Variants in CDK11A observed in about 807,000 individuals in gnomAD.
CDK11A encodes cyclin dependent kinase 11A.
CDK11A carries 55 observed loss-of-function variants against 83.6 expected under a neutral mutation model. That is an observed-to-expected ratio of 0.66 (90% confidence interval 0.53 to 0.82). The LOEUF is 0.82. CDK11A is among the 40% of genes least tolerant of loss of function. The pLI is 0.00. For synonymous variants in CDK11A, 247 were observed against 302.7 expected (o/e 0.82, Z 1.91); for missense variants, 564 against 810.1 (o/e 0.70, Z 3.69).
At position 1,702,614 on chromosome 1, in the gene CDK11A, A is replaced by C; in HGVS notation, c.*293T>G. The C allele has an allele frequency of 2.2e-6, 1 of 448,310 alleles. No homozygotes were observed. Among genetic ancestry groups the C allele is most frequent in the Non-Finnish European group, 4.2e-6 (1 of 240,186 alleles). 27.8% of individuals were successfully genotyped at this position (448,310 alleles called of 1,614,324 possible). Reference sequence around the variant, plus strand: ...CCGGCTCCCACCAGTTCCTTTCCAAATCACGGCCCAGCCAGCCCCGTGCGT... The same window carrying C: ...CCGGCTCCCACCAGTTCCTTTCCAACTCACGGCCCAGCCAGCCCCGTGCGT... On this transcript the variant is annotated 3_prime_UTR_variant, in exon 20 of 20. Coordinates refer to ENST00000404249, the MANE Select transcript of CDK11A (RefSeq NM_024011.4).
rs115993337 is a variant in CDK11A, at chr1:1,716,237, C to A, written c.488+109G>T. 2,279 of 1,266,216 alleles carry A rather than the reference C, an allele frequency of 1.8e-3. 96 individuals carry two copies. In the African/African-American group the frequency reaches 0.032, roughly 18 times the overall value. 78.4% of individuals were successfully genotyped at this position (1,266,216 alleles called of 1,614,324 possible). On this transcript the variant is annotated intron_variant, in intron 5 of 19. Coordinates refer to ENST00000404249, the MANE Select transcript of CDK11A (RefSeq NM_024011.4). ...TTCACTGTGCTGTTTCCATGTCTAC[C>A]ACTTCTGCAACAAATGTGACTTCTA...
At position 1,712,912 on chromosome 1, in the gene CDK11A, T is replaced by C. The variant is rs113252192; in HGVS notation, c.489-512A>G. On this transcript the variant is annotated intron_variant, in intron 5 of 19. Coordinates refer to ENST00000404249, the MANE Select transcript of CDK11A (RefSeq NM_024011.4). ...GGCTCTGTGGTTAGATGCATTCACA[T>C]GTATCATTGCTGTATCTTCCTGCTG... Among the ~76,000 whole-genome samples the C allele has an allele frequency of 4.3e-4, 19 of 43,996 alleles. 3 individuals carry two copies. Among genetic ancestry groups the C allele is most frequent in the Admixed American group, 1.5e-3 (4 of 2,746 alleles). 28.9% of individuals were successfully genotyped at this position (43,996 alleles called of 152,430 possible). A position where few individuals can be genotyped will look rare whatever the true frequency, so the allele number is the denominator to read the frequency against.
intron 14 of CDK11A, 79 bp downstream of exon 14, chr1:1,704,471 C>A: frequency 6.5e-7 from 1 of 1,550,318 alleles, no homozygotes; most frequent in East Asian, 2.4e-5. Context: ...CTGGCCCTCC[C>A]TGCAGCACTG....
rs1484275861 is a variant in CDK11A, at chr1:1,702,757, A to G, written c.*150T>C. 114 of 577,674 alleles carry G rather than the reference A, an allele frequency of 2.0e-4. 1 individual carries two copies. In the Middle Eastern group the frequency reaches 2.8e-3, roughly 14 times the overall value. 35.8% of individuals were successfully genotyped at this position (577,674 alleles called of 1,614,324 possible). On this transcript the variant is annotated 3_prime_UTR_variant, in exon 20 of 20. Coordinates refer to ENST00000404249, the MANE Select transcript of CDK11A (RefSeq NM_024011.4). ...TCCTCCACAACAAGGAAAATGATTT[A>G]ATTCTACAAATTTACAAACCAAAAT...
chr1:1,716,518 C>A (rs1310102327), intron 4 of CDK11A, 40 bp from the exon 5 acceptor site: 2 of 1,595,666 alleles, frequency 1.3e-6, no homozygotes, highest in Middle Eastern at 1.7e-4. Flanking sequence ...AACCTCACTT[C>A]AAAAATTTCA....
At position 1,702,825 on chromosome 1, in the gene CDK11A, G is replaced by A. The variant is rs1201044757; in HGVS notation, c.*82C>T. The A allele has an allele frequency of 3.9e-5, 14 of 358,698 alleles. No homozygotes were observed. In the East Asian group the frequency reaches 3.9e-4, roughly 10 times the overall value. 22.2% of individuals were successfully genotyped at this position (358,698 alleles called of 1,614,324 possible). A position where few individuals can be genotyped will look rare whatever the true frequency, so the allele number is the denominator to read the frequency against. ...AGCACAAAGTAAGACGAGGAGTTCC[G>A]AGTCTCATCGCAGCTCCAGCCGCAG... On this transcript the variant is annotated 3_prime_UTR_variant, in exon 20 of 20. Transcript: ENST00000404249.
Position 1,704,244 on chromosome 1 carries a change from C to T in CDK11A, c.1665G>A (p.Leu555=), listed in dbSNP as rs1423033948. The change falls in exon 15 of 20, where the codon CTG becomes CTA. Residue 555 remains leucine (L), a synonymous_variant. Transcript: ENST00000404249. ...TCACCTTGAGGATGCCGGCGTGGCT[C>T]AGCAGCAGGTTGGACGTCTTGAGGT... is the stretch of plus-strand genomic sequence containing the variant. ...HRDLKTSNLL[L]SHAGILKVGD... is the part of the protein sequence containing the mutation. 6.2e-7 allele frequency: 1 copy of T among 1,608,432 alleles called. No individual in the cohort carries two copies. Among genetic ancestry groups the T allele is most frequent in the Non-Finnish European group, 8.5e-7 (1 of 1,176,788 alleles).
chr1:1,704,846 C>A (rs572240156), intron 13 of CDK11A, 58 bp downstream of exon 13: 3 of 1,607,058 alleles, frequency 1.9e-6, no homozygotes, highest in South Asian at 2.2e-5. Context: ...CAGGACAGCA[C>A]GGGGCCCTGT....
At chr1:1,704,001 T>TGGGG in intron 16 of CDK11A, 38 bp downstream of exon 16, 1 of 1,604,528 alleles carries the variant, frequency 6.2e-7, no homozygotes, top group Non-Finnish European at 8.5e-7. Context: ...GGAGGCTGCA[T>TGGGG]GGGGGACAGG....
chr1:1,704,550 C>G lies in CDK11A; in HGVS notation c.1564G>C (p.Gly522Arg), dbSNP rs1473209358. 1.2e-6 allele frequency: 2 copies of G among 1,604,976 alleles called. No individual in the cohort carries two copies. Among genetic ancestry groups the G allele is most frequent in the African/African-American group, 1.3e-5 (1 of 74,192 alleles). ...ACAGGACCCCGGGGCGCGGCTGTAC[C>G]TGGCAGGAAGGGCTGTTTCATGGTC... ...METMKQPFLP[G>R]EVKTLMIQLL... is the part of the protein sequence containing the mutation. The change falls in exon 14 of 20, where the codon GGG (glycine) becomes CGG (arginine). Residue 522 changes from glycine to arginine, a missense_variant and splice_region_variant. Transcript: ENST00000404249.
chr1:1,705,117 A>G (rs1644262666), intron 12 of CDK11A, 92 bp from the exon 13 acceptor site: 5 of 1,473,862 alleles, frequency 3.4e-6, no homozygotes, highest in Non-Finnish European at 4.5e-6. Flanking sequence ...GGCAGTGCCC[A>G]AAGCGCCAGC....
Position 1,706,332 on chromosome 1 carries a change from C to A in CDK11A, c.1246-600G>T, listed in dbSNP as rs575700942. ...TGATCCGCCCACCGCCTCGGCCTCCCAAAGTGCTGGGATTACAGGCGTGAG... is the reference window on the plus strand; with the variant it reads ...TGATCCGCCCACCGCCTCGGCCTCCAAAAGTGCTGGGATTACAGGCGTGAG... On this transcript the variant is annotated intron_variant, in intron 11 of 19. Coordinates refer to ENST00000404249, the MANE Select transcript of CDK11A (RefSeq NM_024011.4). Among the ~76,000 whole-genome samples, 22 of 151,306 alleles carry A rather than the reference C, an allele frequency of 1.5e-4. 2 individuals carry two copies. The highest frequency in any genetic ancestry group is 6.3e-4 in the South Asian group (3 of 4,778).
In CDK11A at chr1:1,703,811, G is replaced by C; in HGVS notation, c.1911+13C>G. The C allele has an allele frequency of 6.2e-7, 1 of 1,609,320 alleles. No individual in the cohort carries two copies. The highest frequency in any genetic ancestry group is 1.3e-5 in the African/African-American group (1 of 74,650). ...TGAAATCCATAGCGCACCTGCGGCA[G>C]GGCCAGACCCACCTTGAACACTTTG... On this transcript the variant is annotated intron_variant, in intron 17 of 19. Coordinates refer to ENST00000404249, the MANE Select transcript of CDK11A (RefSeq NM_024011.4).
At chr1:1,706,027 G>A (rs112328991) in intron 11 of CDK11A, among the ~76,000 whole-genome samples, 24,850 of 150,238 alleles carry the variant, frequency 0.17, 3,977 homozygotes, top group African/African-American at 0.41. Context: ...AGGATTGCTT[G>A]AGCCCAGGAG....
At chr1:1,719,901 C>G (rs544344232) in intron 3 of CDK11A, among the ~76,000 whole-genome samples, 1 of 150,684 alleles carries the variant, frequency 6.6e-6, no homozygotes, top group African/African-American at 2.4e-5. Context: ...AGGCGTGAGC[C>G]ACCGCGCCCG....
At chr1:1,721,844 G>A (rs1380711493) in intron 2 of CDK11A, 133 bp from the exon 3 acceptor site, 42 of 1,283,986 alleles carry the variant, frequency 3.3e-5, no homozygotes, top group Non-Finnish European at 4.0e-5. Context: ...GAATGAGCCA[G>A]TGTTATAAAA....
rs770062280 is a variant in CDK11A, at chr1:1,707,423, G to C, written c.1231C>G (p.Leu411Val). The change falls in exon 11 of 20, where the codon CTG becomes GTG. Residue 411 changes from leucine (L) to valine (V), a missense_variant. By Grantham distance (32) the Leu-to-Val change is conservative (BLOSUM62 1). This residue lies in a region of CDK11A where 361 missense variants were observed against 402.7 expected (regional missense o/e 0.90). Transcript: ENST00000404249. ...IELKQELPKY[L>V]PALQGCRSVE... The stretch of plus-strand genomic sequence containing the variant: ...GAGGGCCTGACCTGCAGGGCCGGCA[G>C]GTACTTGGGCAGCTCCTGCTTGAGC... The C allele has an allele frequency of 4.4e-6, 7 of 1,607,960 alleles. 1 individual carries two copies. In the African/African-American group the frequency reaches 8.1e-5, roughly 19 times the overall value.
At chr1:1,704,413 C>A in intron 14 of CDK11A, 69 bp from the exon 15 acceptor site, 1 of 1,583,508 alleles carries the variant, frequency 6.3e-7, no homozygotes, top group Admixed American at 1.8e-5. Context: ...GTGGCCCGCT[C>A]GCCTCGGCAG....
chr1:1,704,226 G>A lies in CDK11A; in HGVS notation c.1683C>T (p.Leu561=). 1.2e-6 allele frequency: 2 copies of A among 1,608,494 alleles called. No individual in the cohort carries two copies. Among genetic ancestry groups the A allele is most frequent in the South Asian group, 2.2e-5 (2 of 90,728 alleles). ...GGCCACTCGGAGGGGGGCTCACCTT[G>A]AGGATGCCGGCGTGGCTCAGCAGCA... ...SNLLLSHAGI[L]KVGDFGLARE... The change falls in exon 15 of 20, where the codon CTC becomes CTT. Residue 561 remains leucine (L), a synonymous_variant. Transcript: ENST00000404249.
Sources: gnomAD v4.1 joint callset for allele counts (sites outside exome capture counted in the v4.1 genomes callset) on GRCh38, gnomAD v4.1.1 for gene constraint, gnomAD v4.1.1 regional missense constraint, MANE v1.5 for transcripts, NCBI Gene and HGNC (gene_info 2026-07-23, HGNC 2026-07-21) for gene names.